Variants in GRIN2A observed in about 807,000 individuals in gnomAD.
GRIN2A encodes glutamate receptor ionotropic, NMDA 2A.
GRIN2A carries 22 observed loss-of-function variants against 113.4 expected under a neutral mutation model. The ratio of observed to expected loss-of-function variants is 0.19; its 90% confidence interval spans 0.14 to 0.28. GRIN2A has a LOEUF of 0.28. GRIN2A is among the 10% of genes least tolerant of loss of function. The pLI, the probability that GRIN2A is intolerant of heterozygous loss-of-function variation, is 1.00. For synonymous variants in GRIN2A, 827 were observed against 738.4 expected (o/e 1.12, Z -1.94); for missense variants, 1,502 against 1,887.0 (o/e 0.80, Z 3.78).
At chr16:9,913,112 T>C (rs559276697) in intron 3 of GRIN2A, among the ~76,000 whole-genome samples, 1 of 152,328 alleles carries the variant, frequency 6.6e-6, no homozygotes, top group South Asian at 2.1e-4. Context: ...AGCAAGAGTT[T>C]CCTTTCACTG....
intron 2 of GRIN2A, among the ~76,000 whole-genome samples, chr16:9,967,097 T>A (rs1007178810): frequency 2.6e-5 from 4 of 152,218 alleles, no homozygotes; most frequent in Non-Finnish European, 4.4e-5. Context: ...GTTCAGCAGG[T>A]CCCACATTTT....
intron 4 of GRIN2A, among the ~76,000 whole-genome samples, chr16:9,868,957 T>A (rs2043209381): frequency 6.6e-6 from 1 of 152,134 alleles, no homozygotes. Flanking sequence ...GGAAGCAGCC[T>A]CTAATCCCAT....
At chr16:9,962,278 A>G (rs1010347133) in intron 2 of GRIN2A, among the ~76,000 whole-genome samples, 3 of 152,346 alleles carry the variant, frequency 2.0e-5, no homozygotes, top group Admixed American at 6.5e-5. Flanking sequence ...TAATTAAACT[A>G]AAGAGCTTCT....
chr16:9,847,276 G>A (rs1443699659), intron 5 of GRIN2A, among the ~76,000 whole-genome samples: 1 of 152,096 alleles, frequency 6.6e-6, no homozygotes, highest in Admixed American at 6.6e-5. Flanking sequence ...ACTAAAGGAA[G>A]CCGGACACAG....
chr16:9,775,879 A>G lies in GRIN2A; in HGVS notation c.2357-6790T>C, dbSNP rs565037408. 1.7e-4 allele frequency among the ~76,000 whole-genome samples: 26 copies of G among 152,304 alleles called. No individual in the cohort carries two copies. The South Asian group carries it at 5.2e-3, about 30-fold the overall frequency. ...GTAAGCTGTGATGAGTGAGTGTGCA[A>G]TGTCTCATTCAAATTGCAAATGTGT... On this transcript the variant is annotated intron_variant, in intron 11 of 12. Coordinates refer to ENST00000330684, the MANE Select transcript of GRIN2A (RefSeq NM_001134407.3).
At chr16:9,803,306 C>T (rs1320487895) in intron 10 of GRIN2A, among the ~76,000 whole-genome samples, 2 of 151,992 alleles carry the variant, frequency 1.3e-5, no homozygotes, top group African/African-American at 4.8e-5. Context: ...ACTCGGGAGG[C>T]TGAGGCAGGC....
chr16:9,863,350 T>C (rs569680537), intron 4 of GRIN2A, among the ~76,000 whole-genome samples: 12 of 152,252 alleles, frequency 7.9e-5, no homozygotes, highest in Admixed American at 7.9e-4. Context: ...TTTCTTTCCA[T>C]GTGGAGCACA....
intron 3 of GRIN2A, among the ~76,000 whole-genome samples, chr16:9,892,932 T>C (rs961340090): frequency 7.5e-5 from 5 of 66,792 alleles, no homozygotes; most frequent in Non-Finnish European, 1.5e-4. Context: ...TGCTAAAAAG[T>C]GAAAAAAAAA....
intron 2 of GRIN2A, among the ~76,000 whole-genome samples, chr16:9,988,992 G>C (rs1452964038): frequency 6.6e-6 from 1 of 152,170 alleles, no homozygotes; most frequent in Non-Finnish European, 1.5e-5. Flanking sequence ...AAACAATGTT[G>C]AATCTTGATA....
chr16:10,079,793 TAAG>T (rs1259360436), intron 2 of GRIN2A, among the ~76,000 whole-genome samples: 3 of 152,136 alleles, frequency 2.0e-5, no homozygotes, highest in African/African-American at 7.2e-5. Flanking sequence ...CCAAACAGAC[TAAG>T]AAAGCAGGAA....
chr16:10,123,245 A>C (rs1438646294), intron 2 of GRIN2A, among the ~76,000 whole-genome samples: 1 of 152,168 alleles, frequency 6.6e-6, no homozygotes, highest in East Asian at 1.9e-4. Context: ...CTTCCCTTGC[A>C]ATAGGGACAC....
At chr16:10,150,372 T>A (rs1016819671) in intron 2 of GRIN2A, among the ~76,000 whole-genome samples, 9 of 152,210 alleles carry the variant, frequency 5.9e-5, no homozygotes, top group Non-Finnish European at 1.0e-4. Context: ...AACAAGGGCT[T>A]CAGGTTATTT....
chr16:10,174,333 A>G (rs922096527), intron 2 of GRIN2A, among the ~76,000 whole-genome samples: 2 of 152,224 alleles, frequency 1.3e-5, no homozygotes, highest in Non-Finnish European at 2.9e-5. Context: ...GGAAGAGAGT[A>G]CAAACCTGAG....
At chr16:9,931,231 T>G (rs772601350) in intron 3 of GRIN2A, among the ~76,000 whole-genome samples, 6 of 152,174 alleles carry the variant, frequency 3.9e-5, no homozygotes, top group East Asian at 1.9e-4. Context: ...AATTAAAGAA[T>G]AGAACTGAAA....
chr16:9,964,792 G>T (rs375230567), intron 2 of GRIN2A, among the ~76,000 whole-genome samples: 1 of 152,038 alleles, frequency 6.6e-6, no homozygotes, highest in East Asian at 1.9e-4. Flanking sequence ...AGGATCATCC[G>T]AATCTCAAGG....
At chr16:10,157,196 G>A (rs1345255952) in intron 2 of GRIN2A, among the ~76,000 whole-genome samples, 4 of 152,140 alleles carry the variant, frequency 2.6e-5, no homozygotes, top group Non-Finnish European at 4.4e-5. Flanking sequence ...GGATGGAGAC[G>A]AACCAAGAGT....
At chr16:9,882,827 T>C (rs1010306754) in intron 4 of GRIN2A, among the ~76,000 whole-genome samples, 1 of 152,138 alleles carries the variant, frequency 6.6e-6, no homozygotes, top group African/African-American at 2.4e-5. Flanking sequence ...ATGCAATAAA[T>C]GCCTATACCC....
intron 4 of GRIN2A, among the ~76,000 whole-genome samples, chr16:9,872,337 C>T (rs201945402): frequency 3.3e-5 from 5 of 152,120 alleles, no homozygotes; most frequent in Admixed American, 2.0e-4. Flanking sequence ...GGGAGGAAGT[C>T]GCCAGCCCAC....
Position 9,977,200 on chromosome 16 carries a change from G to C in GRIN2A, c.415-38649C>G, listed in dbSNP as rs143490017. ...CCAGCTACTTGGGAGGCTGAGGCAG[G>C]AGGATCGCTTGAGCCCAGGAATCCA... On this transcript the variant is annotated intron_variant, in intron 2 of 12. Coordinates refer to ENST00000330684, the MANE Select transcript of GRIN2A (RefSeq NM_001134407.3). 4.6e-3 allele frequency among the ~76,000 whole-genome samples: 704 copies of C among 151,812 alleles called. 5 individuals carry two copies. Among genetic ancestry groups the C allele is most frequent in the African/African-American group, 0.016 (664 of 41,400 alleles).
Sources: gnomAD v4.1 joint callset for allele counts (sites outside exome capture counted in the v4.1 genomes callset) on GRCh38, gnomAD v4.1.1 for gene constraint, MANE v1.5 for transcripts, NCBI Gene and HGNC (gene_info 2026-07-23, HGNC 2026-07-21) for gene names.